Variants in EPB41L5 observed in about 807,000 individuals in gnomAD.
The protein encoded by EPB41L5 is erythrocyte membrane protein band 4.1 like 5.
In EPB41L5, 55 loss-of-function variants were observed where a neutral mutation model predicts 106.6. That is an observed-to-expected ratio of 0.52 (90% CI 0.42 to 0.65). The LOEUF is 0.65. EPB41L5 is among the 30% of genes least tolerant of loss of function. The pLI, the probability that EPB41L5 is intolerant of heterozygous loss-of-function variation, is 0.00. For synonymous variants in EPB41L5, 297 were observed against 306.7 expected, an observed-to-expected ratio of 0.97 and a Z score of 0.33; for missense variants, 871 against 882.1, an observed-to-expected ratio of 0.99 and a Z score of 0.16.
intron 20 of EPB41L5, 119 bp downstream of exon 20, chr2:120,146,408 C>A: frequency 1.4e-6 from 1 of 699,362 alleles, no homozygotes; most frequent in Non-Finnish European, 2.5e-6. Flanking sequence ...CTTGAATTCA[C>A]TCTATTGTAT....
intron 19 of EPB41L5, among the ~76,000 whole-genome samples, chr2:120,145,487 T>C (rs1399979670): frequency 1.3e-5 from 2 of 152,146 alleles, no homozygotes; most frequent in African/African-American, 2.4e-5. Context: ...AAAGTATAGA[T>C]CATCATTTAC....
At chr2:120,030,424 T>C (rs973172811) in intron 2 of EPB41L5, among the ~76,000 whole-genome samples, 4 of 152,226 alleles carry the variant, frequency 2.6e-5, no homozygotes, top group Non-Finnish European at 5.9e-5. Flanking sequence ...ATCGGTAATC[T>C]GGCTCAACCA....
At chr2:120,168,827 CTGACACTAAAGA>C (rs1050935767) in intron 24 of EPB41L5, among the ~76,000 whole-genome samples, 10 of 152,156 alleles carry the variant, frequency 6.6e-5, no homozygotes, top group Non-Finnish European at 1.5e-4. Context: ...TGACTGATAT[CTGACACTAAAGA>C]TAACAGTGAA....
chr2:120,086,407 C>T (rs1024694404), intron 10 of EPB41L5, among the ~76,000 whole-genome samples: 2 of 151,990 alleles, frequency 1.3e-5, no homozygotes, highest in Non-Finnish European at 2.9e-5. Context: ...AGTTGGAAAG[C>T]GGGCCATAAA....
intron 3 of EPB41L5, among the ~76,000 whole-genome samples, chr2:120,070,937 A>T (rs761204819): frequency 5.9e-5 from 9 of 152,230 alleles, no homozygotes; most frequent in Non-Finnish European, 1.0e-4. Context: ...CAAAACAAGG[A>T]TGCCGTCTCT....
chr2:120,136,168 T>A (rs569943819), intron 18 of EPB41L5, among the ~76,000 whole-genome samples: 2 of 150,618 alleles, frequency 1.3e-5, no homozygotes, highest in South Asian at 4.2e-4. Context: ...TTTTTTTTTT[T>A]ACTATCAGTG....
At chr2:120,144,277 G>C (rs983138179) in intron 19 of EPB41L5, among the ~76,000 whole-genome samples, 101 of 152,248 alleles carry the variant, frequency 6.6e-4, no homozygotes, top group African/African-American at 2.1e-3. Flanking sequence ...GCAGTGAGAA[G>C]GCGCCATCTA....
At position 120,104,429 on chromosome 2, in the gene EPB41L5, A is replaced by T. The variant is rs146394992; in HGVS notation, c.1337+3615A>T. 61 of 1,351,834 alleles carry T rather than the reference A, an allele frequency of 4.5e-5. No individual in the cohort carries two copies. The East Asian group carries it at 1.4e-3, about 32-fold the overall frequency. The allele number at this position is 1,351,834 out of a possible 1,614,324, so 83.7% of individuals were successfully genotyped here. A position where few individuals can be genotyped will look rare whatever the true frequency, so the allele number is the denominator to read the frequency against. On this transcript the variant is annotated intron_variant, in intron 16 of 24. Coordinates refer to ENST00000263713, the MANE Select transcript of EPB41L5 (RefSeq NM_020909.4). ...CAAGGAATCAAGGAAGCCATATAGC[A>T]TCAATGATAATGACAAATGTTTGTG...
chr2:120,133,916 A>C (rs1685812295), intron 18 of EPB41L5, among the ~76,000 whole-genome samples: 1 of 152,138 alleles, frequency 6.6e-6, no homozygotes, highest in African/African-American at 2.4e-5. Context: ...ATACCAGTGT[A>C]GCCACAGTAA....
chr2:120,130,292 A>T (rs904211255), intron 17 of EPB41L5, among the ~76,000 whole-genome samples: 9 of 152,186 alleles, frequency 5.9e-5, no homozygotes, highest in African/African-American at 2.2e-4. Flanking sequence ...ATCCATTCAG[A>T]CTTATAACAT....
chr2:120,015,461 G>C (rs1353706217), intron 1 of EPB41L5, among the ~76,000 whole-genome samples: 2 of 151,876 alleles, frequency 1.3e-5, no homozygotes, highest in Non-Finnish European at 2.9e-5. Flanking sequence ...ATATATTCTT[G>C]TTGTGACTTC....
intron 2 of EPB41L5, among the ~76,000 whole-genome samples, chr2:120,026,489 C>T (rs1678325643): frequency 6.6e-6 from 1 of 152,164 alleles, no homozygotes; most frequent in Non-Finnish European, 1.5e-5. Flanking sequence ...CTGCCTCAGC[C>T]TCCGGAGTAG....
intron 20 of EPB41L5, among the ~76,000 whole-genome samples, chr2:120,149,924 T>C (rs1173163161): frequency 2.0e-5 from 3 of 150,648 alleles, no homozygotes; most frequent in Non-Finnish European, 4.4e-5. Context: ...AGACAGGGTC[T>C]TGCTCTGTCA....
intron 20 of EPB41L5, among the ~76,000 whole-genome samples, chr2:120,151,632 T>TA (rs1686683193): frequency 1.4e-5 from 2 of 140,894 alleles, no homozygotes; most frequent in Admixed American, 7.1e-5. Flanking sequence ...TTTTTTTTTT[T>TA]AAAGACGGAG....
In EPB41L5 at chr2:120,098,399, T is replaced by C. The variant is rs191412303; in HGVS notation, c.1179-1845T>C. Among the ~76,000 whole-genome samples the C allele has an allele frequency of 5.3e-5, 8 of 151,954 alleles. No individual in the cohort carries two copies. The East Asian group carries it at 1.5e-3, about 29-fold the overall frequency. On this transcript the variant is annotated intron_variant, in intron 14 of 24. Transcript: ENST00000263713. ...AGCTATTTTTTAATTTTTTGTAGAG[T>C]TGGAGGTCTGGCTCTGTTGCCCAGG...
At chr2:120,083,484 C>T (rs547029524) in intron 10 of EPB41L5, among the ~76,000 whole-genome samples, 150 of 152,238 alleles carry the variant, frequency 9.9e-4, no homozygotes, top group African/African-American at 3.5e-3. Context: ...GTTATAATTT[C>T]TGTTCTTTTA....
At chr2:120,067,359 A>G (rs1032996825) in intron 3 of EPB41L5, among the ~76,000 whole-genome samples, 4 of 152,200 alleles carry the variant, frequency 2.6e-5, no homozygotes, top group African/African-American at 9.6e-5. Context: ...CACTCTGCCT[A>G]TCTGCGTTTC....
chr2:120,118,924 A>G (rs772420175), intron 16 of EPB41L5, among the ~76,000 whole-genome samples: 1 of 152,228 alleles, frequency 6.6e-6, no homozygotes, highest in Non-Finnish European at 1.5e-5. Flanking sequence ...TGTCTTCCAC[A>G]GTGGTTGAAC....
chr2:120,014,232 T>A (rs1360198616), intron 1 of EPB41L5, among the ~76,000 whole-genome samples: 1 of 152,234 alleles, frequency 6.6e-6, no homozygotes, highest in Non-Finnish European at 1.5e-5. Flanking sequence ...CTTTTGGGTT[T>A]TGGGTACTTT....
Sources: allele counts gnomAD v4.1 joint callset (sites outside exome capture counted in the v4.1 genomes callset), GRCh38; gene constraint gnomAD v4.1.1; transcripts MANE v1.5; gene names NCBI Gene and HGNC (gene_info 2026-07-23, HGNC 2026-07-21).